POU6F2: variants seen among roughly 807,000 people sequenced by gnomAD.
POU6F2 encodes POU domain, class 6, transcription factor 2.
A neutral mutation model predicts 71.3 loss-of-function variants in POU6F2; 31 were observed. The observed-to-expected ratio is 0.43, with a 90% CI of 0.33 to 0.59. POU6F2 has a LOEUF of 0.59. Ranked by LOEUF, POU6F2 falls within the 20% of genes least tolerant of loss-of-function variation. The pLI is 0.04. For synonymous variants in POU6F2, 347 were observed against 355.7 expected, an observed-to-expected ratio of 0.98 and a Z score of 0.27; for missense variants, 783 against 856.8, an observed-to-expected ratio of 0.91 and a Z score of 1.07.
intron 1 of POU6F2, among the ~76,000 whole-genome samples, chr7:39,057,408 C>A (rs1293897190): frequency 6.6e-6 from 1 of 151,888 alleles, no homozygotes; most frequent in African/African-American, 2.4e-5. Flanking sequence ...TTTTTGAAAT[C>A]TTTTTCTATT....
At chr7:39,262,195 T>C (rs775390947) in intron 4 of POU6F2, among the ~76,000 whole-genome samples, 9 of 152,152 alleles carry the variant, frequency 5.9e-5, no homozygotes, top group Non-Finnish European at 1.2e-4. Context: ...GGTTCCTGTT[T>C]GCAGTAGGAA....
intron 1 of POU6F2, among the ~76,000 whole-genome samples, chr7:39,022,697 C>T (rs373391604): frequency 3.0e-4 from 45 of 152,172 alleles, no homozygotes; most frequent in African/African-American, 9.9e-4. Context: ...GGGACTTTCC[C>T]CCGCTTTTTC....
rs1431759160 is a variant in POU6F2 at position 39,418,953 on chromosome 7, ATGTATATATATG to A, written c.1113+12223_1113+12234del. On this transcript the variant is annotated intron_variant, in intron 6 of 9. Transcript: ENST00000518318. Reference sequence around the variant, plus strand: ...TGTATATATGTGTATATATGTATATATGTATATATATGTGTATATATGTATATATATGTGTAT... The same window carrying A: ...TGTATATATGTGTATATATGTATATATGTATATATGTATATATATGTGTAT... 2.4e-3 allele frequency among the ~76,000 whole-genome samples: 322 copies of A among 137,012 alleles called. 3 individuals are homozygous for A. Among genetic ancestry groups the A allele is most frequent in the African/African-American group, 8.1e-3 (291 of 35,724 alleles). The allele number at this position is 137,012 out of a possible 152,430, so 89.9% of individuals were successfully genotyped here.
chr7:39,097,209 T>C (rs1157617900), intron 2 of POU6F2, among the ~76,000 whole-genome samples: 1 of 152,138 alleles, frequency 6.6e-6, no homozygotes, highest in African/African-American at 2.4e-5. Flanking sequence ...ATTATTATTA[T>C]TATTCTCTGT....
chr7:39,374,022 A>C (rs938222120), intron 5 of POU6F2, among the ~76,000 whole-genome samples: 2 of 152,244 alleles, frequency 1.3e-5, no homozygotes, highest in Non-Finnish European at 2.9e-5. Flanking sequence ...CATGGTTATT[A>C]AAGTCAGTCA....
chr7:39,430,078 G>A (rs566341741), intron 6 of POU6F2, among the ~76,000 whole-genome samples: 11 of 152,124 alleles, frequency 7.2e-5, no homozygotes, highest in South Asian at 2.1e-4. Context: ...CAGCATAAGC[G>A]AAATAGGCAC....
At chr7:39,257,023 A>C (rs1325339655) in intron 4 of POU6F2, among the ~76,000 whole-genome samples, 1 of 152,218 alleles carries the variant, frequency 6.6e-6, no homozygotes, top group Non-Finnish European at 1.5e-5. Flanking sequence ...ACTACATAGC[A>C]CATGTATACC....
At chr7:39,331,511 G>A (rs1785648137) in intron 4 of POU6F2, among the ~76,000 whole-genome samples, 1 of 151,078 alleles carries the variant, frequency 6.6e-6, no homozygotes, top group African/African-American at 2.4e-5. Context: ...GTTTTGTTTT[G>A]TTGTTGTTGT....
At chr7:39,342,930 G>A (rs1353975490) in intron 5 of POU6F2, among the ~76,000 whole-genome samples, 3 of 152,160 alleles carry the variant, frequency 2.0e-5, no homozygotes, top group African/African-American at 7.2e-5. Flanking sequence ...AGACGCACAG[G>A]TAGGGGGATC....
chr7:39,013,867 G>T (rs1358556494), intron 1 of POU6F2, among the ~76,000 whole-genome samples: 1 of 152,150 alleles, frequency 6.6e-6, no homozygotes, highest in African/African-American at 2.4e-5. Flanking sequence ...GTGTGCTGTA[G>T]AAACACTATT....
intron 4 of POU6F2, among the ~76,000 whole-genome samples, chr7:39,293,089 G>C (rs936041345): frequency 6.6e-6 from 1 of 152,140 alleles, no homozygotes; most frequent in Admixed American, 6.5e-5. Context: ...CACCTTTCTC[G>C]GTAAGCAGGG....
At chr7:39,435,383 T>A (rs10249501) in intron 7 of POU6F2, among the ~76,000 whole-genome samples, 51,244 of 152,108 alleles carry the variant, frequency 0.34, 9,656 homozygotes, top group East Asian at 0.58. Flanking sequence ...TCTGATGATC[T>A]GTGATGTTGA....
intron 1 of POU6F2, among the ~76,000 whole-genome samples, chr7:39,005,515 T>TGTGTGTGTGTGTGTGTGTGTGTGTG (rs1562664683): frequency 3.3e-5 from 5 of 151,036 alleles, no homozygotes; most frequent in South Asian, 2.1e-4. Context: ...TGTGTGTGTG[T>TGTGTGTGTGTGTGTGTGTGTGTGTG]TTATGTTGTG....
intron 4 of POU6F2, among the ~76,000 whole-genome samples, chr7:39,237,512 G>T (rs183039030): frequency 2.0e-5 from 3 of 152,220 alleles, no homozygotes; most frequent in East Asian, 1.9e-4. Flanking sequence ...TTACGTGTTC[G>T]CTGTGTCCCT....
chr7:39,070,399 A>G (rs1790853736), intron 1 of POU6F2, among the ~76,000 whole-genome samples: 1 of 150,024 alleles, frequency 6.7e-6, no homozygotes, highest in Non-Finnish European at 1.5e-5. Context: ...TTTTGCCTCC[A>G]CACTTCTGCT....
chr7:39,344,582 C>T (rs1395530371), intron 5 of POU6F2, among the ~76,000 whole-genome samples: 5 of 152,140 alleles, frequency 3.3e-5, no homozygotes, highest in Admixed American at 3.3e-4. Context: ...TTCAAGTTCT[C>T]TAAAGCAAAT....
chr7:38,998,654 AT>A (rs35912432), intron 1 of POU6F2, among the ~76,000 whole-genome samples: 255 of 143,396 alleles, frequency 1.8e-3, no homozygotes, highest in African/African-American at 1.9e-3. Context: ...TGTTAATCAC[AT>A]TTTTTTTTTT....
chr7:39,431,726 TG>T (rs769607509), intron 6 of POU6F2, among the ~76,000 whole-genome samples: 29 of 152,356 alleles, frequency 1.9e-4, no homozygotes, highest in Non-Finnish European at 2.4e-4. Flanking sequence ...CTGAGTTGCT[TG>T]GCCTCCCTGT....
At chr7:39,289,058 A>G (rs573661149) in intron 4 of POU6F2, among the ~76,000 whole-genome samples, 39 of 152,324 alleles carry the variant, frequency 2.6e-4, no homozygotes, top group African/African-American at 9.4e-4. Context: ...CCTTCTTTTC[A>G]GGAGAACATC....
Sources: allele counts gnomAD v4.1 joint callset (sites outside exome capture counted in the v4.1 genomes callset), GRCh38; gene constraint gnomAD v4.1.1; transcripts MANE v1.5; gene names NCBI Gene and HGNC (gene_info 2026-07-23, HGNC 2026-07-21).